Variants in SH3KBP1 observed in about 807,000 individuals in gnomAD.
SH3KBP1 encodes the protein SH3 domain containing kinase binding protein 1.
In SH3KBP1, 8 loss-of-function variants were observed where a neutral mutation model predicts 50.1. That is an observed-to-expected ratio of 0.16 (90% confidence interval 0.09 to 0.29). The LOEUF (loss-of-function observed/expected upper bound fraction) is 0.29, where lower values mean the gene tolerates loss of function less well. SH3KBP1 is among the 10% of genes least tolerant of loss of function. SH3KBP1 has a pLI of 1.00. For missense variants in SH3KBP1, 377 were observed against 535.2 expected, an observed-to-expected ratio of 0.70 and a Z score of 2.92; for synonymous variants, 227 against 218.6, an observed-to-expected ratio of 1.04 and a Z score of -0.34.
At chrX:19,540,817 C>T (rs781003369) in intron 16 of SH3KBP1, among the ~76,000 whole-genome samples, 185 of 111,929 alleles carry the variant, frequency 1.7e-3, no homozygotes, top group Non-Finnish European at 2.4e-3. Context: ...AAATCCTACC[C>T]GGGAAATAAC....
intron 2 of SH3KBP1, among the ~76,000 whole-genome samples, chrX:19,762,020 G>A (rs1464882057): frequency 8.9e-6 from 1 of 112,411 alleles, no homozygotes; most frequent in Non-Finnish European, 1.9e-5. Flanking sequence ...GTCTGGTTGT[G>A]TCTGAAAGTA....
intron 1 of SH3KBP1, among the ~76,000 whole-genome samples, chrX:19,885,083 A>T (rs5955860): frequency 0.094 from 10,428 of 111,007 alleles, 1,214 homozygotes; most frequent in African/African-American, 0.32. Flanking sequence ...CAGGAGTTCA[A>T]ATCCATCCTG....
chrX:19,729,792 G>A (rs1428621760), intron 3 of SH3KBP1, among the ~76,000 whole-genome samples: 1 of 111,625 alleles, frequency 9.0e-6, no homozygotes, highest in Admixed American at 9.5e-5. Context: ...GAGAAGGAGG[G>A]AGGAAAGGAG....
intron 4 of SH3KBP1, among the ~76,000 whole-genome samples, chrX:19,696,276 A>G (rs1225243477): frequency 4.4e-5 from 5 of 112,450 alleles, no homozygotes; most frequent in Non-Finnish European, 7.5e-5. Context: ...TTCAATATAA[A>G]TCATTCCCTT....
rs142372778 is a variant in SH3KBP1 at position 19,545,804 on chromosome X, G to A, written c.1623+118C>T. 5.0e-3 allele frequency: 4,116 copies of A among 822,492 alleles called. 20 individuals are homozygous for A. The highest frequency in any genetic ancestry group is 0.026 in the South Asian group (975 of 37,496). The allele number at this position is 822,492 out of a possible 1,213,427, so 67.8% of individuals were successfully genotyped here. Reference sequence around the variant, plus strand: ...GGGGATTTTGATGAGTAACAGAATCGCTGTCACTGAAGAATGACAAACACC... The same window carrying A: ...GGGGATTTTGATGAGTAACAGAATCACTGTCACTGAAGAATGACAAACACC... On this transcript the variant is annotated intron_variant, in intron 15 of 17. Coordinates refer to ENST00000397821, the MANE Select transcript of SH3KBP1 (RefSeq NM_031892.3).
At chrX:19,573,201 G>T (rs2066099217) in intron 12 of SH3KBP1, among the ~76,000 whole-genome samples, 1 of 112,330 alleles carries the variant, frequency 8.9e-6, no homozygotes, top group Non-Finnish European at 1.9e-5. Context: ...ATAGGAAAAA[G>T]ACAAGAAAGA....
chrX:19,876,096 C>T (rs759817391), intron 1 of SH3KBP1, among the ~76,000 whole-genome samples: 10 of 112,330 alleles, frequency 8.9e-5, no homozygotes, highest in Non-Finnish European at 1.3e-4. Context: ...TGGTGGCTCA[C>T]GCCTGTAATC....
At chrX:19,887,085 C>G (rs977044151) in intron 1 of SH3KBP1, among the ~76,000 whole-genome samples, 2 of 111,704 alleles carry the variant, frequency 1.8e-5, no homozygotes, top group Admixed American at 9.3e-5. Flanking sequence ...ATCGTCTGCT[C>G]AGGCCCCCGC....
chrX:19,854,304 A>T (rs1445195033), intron 1 of SH3KBP1, among the ~76,000 whole-genome samples: 1 of 110,299 alleles, frequency 9.1e-6, no homozygotes, highest in East Asian at 2.9e-4. Flanking sequence ...TTTAGTAGAG[A>T]CGGAGTTTCA....
intron 4 of SH3KBP1, among the ~76,000 whole-genome samples, chrX:19,696,419 C>G (rs1216670982): frequency 8.9e-6 from 1 of 112,049 alleles, no homozygotes; most frequent in Non-Finnish European, 1.9e-5. Context: ...GCTAAGAACT[C>G]AATCAGAAAG....
intron 3 of SH3KBP1, among the ~76,000 whole-genome samples, chrX:19,707,681 C>T (rs1225586022): frequency 8.9e-6 from 1 of 112,280 alleles, no homozygotes. Flanking sequence ...CCAGAGGACA[C>T]TCAGGGTTAC....
intron 6 of SH3KBP1, among the ~76,000 whole-genome samples, chrX:19,678,208 T>C (rs1347657302): frequency 5.4e-5 from 6 of 111,796 alleles, no homozygotes; most frequent in African/African-American, 2.0e-4. Flanking sequence ...AAATCATAAG[T>C]GTTCAGCTTG....
At chrX:19,761,624 G>C (rs1388872331) in intron 2 of SH3KBP1, among the ~76,000 whole-genome samples, 1 of 111,289 alleles carries the variant, frequency 9.0e-6, no homozygotes, top group Non-Finnish European at 1.9e-5. Flanking sequence ...CAAACCAAGA[G>C]AGCAGCAATG....
At chrX:19,633,122 CA>C (rs2061616296) in intron 7 of SH3KBP1, among the ~76,000 whole-genome samples, 1 of 111,615 alleles carries the variant, frequency 9.0e-6, no homozygotes, top group African/African-American at 3.3e-5. Context: ...TTAAGAAATC[CA>C]TAATACAGAT....
intron 6 of SH3KBP1, among the ~76,000 whole-genome samples, chrX:19,662,557 A>C (rs1222659702): frequency 1.8e-5 from 2 of 111,879 alleles, no homozygotes; most frequent in Non-Finnish European, 3.8e-5. Context: ...GTTCTTCATG[A>C]GTAAAAATTC....
At chrX:19,701,179 A>G (rs760126789) in intron 4 of SH3KBP1, among the ~76,000 whole-genome samples, 3 of 111,629 alleles carry the variant, frequency 2.7e-5, no homozygotes, top group African/African-American at 9.8e-5. Flanking sequence ...AGTGAGTCCA[A>G]TACTAAGGTC....
In SH3KBP1 at chrX:19,588,648, G is replaced by A. The variant is rs776886589; in HGVS notation, c.1293C>T (p.His431=). ...AGGTGAGAGCACAGCAGTACCTGGT[G>A]TGTGTCAGCGGACCCACCGGTCTCT... The part of the protein sequence containing the change: ...RPERPVGPLT[H]TRGDSPKIDL... The change falls in exon 12 of 18, where the codon CAC becomes CAT. Residue 431 remains histidine (H), a synonymous_variant. Coordinates refer to ENST00000397821, the MANE Select transcript of SH3KBP1 (RefSeq NM_031892.3). 86 of 1,204,637 alleles carry A rather than the reference G, an allele frequency of 7.1e-5. No individual in the cohort carries two copies. Among genetic ancestry groups the A allele is most frequent in the Non-Finnish European group, 4.6e-5 (41 of 893,394 alleles).
chrX:19,700,249 A>C (rs2063510359), intron 4 of SH3KBP1, among the ~76,000 whole-genome samples: 1 of 111,991 alleles, frequency 8.9e-6, no homozygotes, highest in Non-Finnish European at 1.9e-5. Context: ...TTTTTTCAGG[A>C]GTAACTAAAT....
intron 13 of SH3KBP1, among the ~76,000 whole-genome samples, chrX:19,560,366 A>G (rs7049939): frequency 0.32 from 35,831 of 111,176 alleles, 5,601 homozygotes; most frequent in African/African-American, 0.62. Flanking sequence ...AGGCTACCAA[A>G]ACAGCAGTTT....
Sources: allele counts gnomAD v4.1 joint callset (sites outside exome capture counted in the v4.1 genomes callset), GRCh38; gene constraint gnomAD v4.1.1; transcripts MANE v1.5; gene names NCBI Gene and HGNC (gene_info 2026-07-23, HGNC 2026-07-21).